CNIH3: variants seen among roughly 807,000 people sequenced by gnomAD.
The protein encoded by CNIH3 is protein cornichon homolog 3.
CNIH3 carries 14 observed loss-of-function variants against 24.1 expected under a neutral mutation model. The observed-to-expected ratio is 0.58, with a 90% CI of 0.38 to 0.91. The LOEUF (loss-of-function observed/expected upper bound fraction) is 0.91. Ranked by LOEUF, CNIH3 falls within the 40% of genes least tolerant of loss-of-function variation. CNIH3 has a pLI of 0.00. For synonymous variants in CNIH3, 68 were observed against 73.8 expected (o/e 0.92, Z 0.40); for missense variants, 178 against 196.8 (o/e 0.90, Z 0.57).
At chr1:224,462,771 C>G (rs1675970863) in intron 1 of CNIH3, among the ~76,000 whole-genome samples, 1 of 151,396 alleles carries the variant, frequency 6.6e-6, no homozygotes. Flanking sequence ...TCCTGAGTAG[C>G]TGGGTCTGCA....
intron 3 of CNIH3, among the ~76,000 whole-genome samples, chr1:224,552,769 C>T (rs1679975080): frequency 6.6e-6 from 1 of 151,340 alleles, no homozygotes; most frequent in South Asian, 2.1e-4. Flanking sequence ...GGTGTACACT[C>T]CCTGTGATAT....
downstream of CNIH3, among the ~76,000 whole-genome samples, chr1:224,589,657 A>T (rs1681665936): frequency 6.6e-6 from 1 of 152,242 alleles, no homozygotes. Flanking sequence ...AAATATGCAC[A>T]CAACTCCCCA....
chr1:224,650,710 G>A (rs936033920), intron 1 of CNIH3, among the ~76,000 whole-genome samples: 3 of 152,158 alleles, frequency 2.0e-5, no homozygotes, highest in Non-Finnish European at 4.4e-5. Flanking sequence ...TTCTATGTGC[G>A]CGAGGATATA....
intron 3 of CNIH3, among the ~76,000 whole-genome samples, chr1:224,599,249 G>T (rs1204589599): frequency 6.6e-6 from 1 of 152,188 alleles, no homozygotes; most frequent in Non-Finnish European, 1.5e-5. Flanking sequence ...TTACCTATGG[G>T]TTTGTAATCA....
chr1:224,700,178 C>T (rs1422395025), intron 3 of CNIH3, among the ~76,000 whole-genome samples: 3 of 152,200 alleles, frequency 2.0e-5, no homozygotes, highest in South Asian at 2.1e-4. Context: ...TAAAACCCCA[C>T]GTCTTGTTTG....
chr1:224,643,146 C>T (rs1386590889), intron 1 of CNIH3, among the ~76,000 whole-genome samples: 14 of 152,198 alleles, frequency 9.2e-5, no homozygotes, highest in Admixed American at 8.5e-4. Context: ...GTATTCCTGT[C>T]CTCAAATGCA....
At chr1:224,634,126 T>C (rs1683964831) in intron 1 of CNIH3, among the ~76,000 whole-genome samples, 2 of 152,208 alleles carry the variant, frequency 1.3e-5, no homozygotes, top group Non-Finnish European at 2.9e-5. Flanking sequence ...CCACTTCTCA[T>C]GAAAACGTCC....
chr1:224,527,662 T>G (rs180678185), intron 2 of CNIH3, among the ~76,000 whole-genome samples: 25 of 152,254 alleles, frequency 1.6e-4, no homozygotes, highest in Admixed American at 1.5e-3. Flanking sequence ...TCATGGAAAA[T>G]TGGCTTGGAT....
chr1:224,599,031 A>G lies in CNIH3; in HGVS notation n.402+32767A>G, dbSNP rs191338246. Among the ~76,000 whole-genome samples, 264 of 152,312 alleles carry G rather than the reference A, an allele frequency of 1.7e-3. 2 individuals carry two copies. Among genetic ancestry groups the G allele is most frequent in the African/African-American group, 6.3e-3 (261 of 41,560 alleles). ...ATAATATTTATTATTAACAAGTGGG[A>G]CCATAAATCTGGACTGCAATGTATG... On this transcript the variant is annotated intron_variant and non_coding_transcript_variant, in intron 3 of 7. Coordinates refer to the CNIH3 transcript ENST00000478120.
chr1:224,610,101 CTT>C (rs1349713370), intron 3 of CNIH3, among the ~76,000 whole-genome samples: 1 of 152,092 alleles, frequency 6.6e-6, no homozygotes, highest in Non-Finnish European at 1.5e-5. Context: ...ATAAAATAGG[CTT>C]TGTGTTAGAT....
Position 224,658,608 on chromosome 1 carries a change from T to TA in CNIH3, c.82-22340dup, listed in dbSNP as rs906413354. Among the ~76,000 whole-genome samples the TA allele has an allele frequency of 1.3e-3, 198 of 147,544 alleles. 1 individual carries two copies. Among genetic ancestry groups the TA allele is most frequent in the Middle Eastern group, 6.9e-3 (2 of 290 alleles). On this transcript the variant is annotated intron_variant, in intron 1 of 5. Transcript: ENST00000272133. Reference sequence around the variant, plus strand: ...TTAGCCAGAATGATAATTCAGATATTAAAAAAAAAACACCAAATCCCGACC... The same window carrying TA: ...TTAGCCAGAATGATAATTCAGATATTAAAAAAAAAAACACCAAATCCCGACC...
At chr1:224,575,225 C>A in intron 4 of CNIH3, 1 of 1,341,998 alleles carries the variant, frequency 7.5e-7, no homozygotes, top group Non-Finnish European at 1.1e-6. Flanking sequence ...TGGTGATCCC[C>A]AAGTCTGTGA....
intron 1 of CNIH3, among the ~76,000 whole-genome samples, chr1:224,634,647 A>G (rs1683998268): frequency 6.6e-6 from 1 of 151,958 alleles, no homozygotes; most frequent in African/African-American, 2.4e-5. Flanking sequence ...CAAATTCTAG[A>G]GGATAAATGG....
chr1:224,471,232 G>A (rs1676356284), intron 1 of CNIH3, among the ~76,000 whole-genome samples: 1 of 152,156 alleles, frequency 6.6e-6, no homozygotes, highest in Admixed American at 6.5e-5. Context: ...TAGAGACAGG[G>A]TCAGGAGTTC....
In CNIH3 at chr1:224,557,975, G is replaced by A. The variant is rs547543438; in HGVS notation, n.451-8224G>A. On this transcript the variant is annotated intron_variant and non_coding_transcript_variant, in intron 3 of 5. Coordinates refer to the CNIH3 transcript ENST00000471578. ...CTTAGAAGAGTTAATTGACTTGTTC[G>A]TGGTCTCACCACTAAGAGGAAGAGC... is the stretch of plus-strand genomic sequence containing the variant. Among the ~76,000 whole-genome samples, 11 of 152,270 alleles carry A rather than the reference G, an allele frequency of 7.2e-5. No individual in the cohort carries two copies. In the East Asian group the frequency reaches 1.2e-3, roughly 16 times the overall value.
At chr1:224,632,747 C>T (rs542816045) in intron 1 of CNIH3, among the ~76,000 whole-genome samples, 1 of 152,156 alleles carries the variant, frequency 6.6e-6, no homozygotes, top group East Asian at 1.9e-4. Flanking sequence ...ATTTTTCTTA[C>T]AGGTTCCGGA....
intron 1 of CNIH3, among the ~76,000 whole-genome samples, chr1:224,475,273 A>G (rs1278481496): frequency 2.8e-5 from 4 of 140,772 alleles, no homozygotes; most frequent in Admixed American, 7.1e-5. Flanking sequence ...GGAGAAGGGC[A>G]TGAACCCAGG....
chr1:224,539,423 AG>A (rs1679425463), downstream of CNIH3, among the ~76,000 whole-genome samples: 1 of 152,218 alleles, frequency 6.6e-6, no homozygotes, highest in Non-Finnish European at 1.5e-5. Context: ...TTATTTCAGT[AG>A]CTTCATGACA....
chr1:224,539,873 G>A (rs1005520502), downstream of CNIH3, among the ~76,000 whole-genome samples: 1 of 152,146 alleles, frequency 6.6e-6, no homozygotes, highest in African/African-American at 2.4e-5. Flanking sequence ...CTTCTGAGAA[G>A]TACTATATGC....
Sources: gnomAD v4.1 joint callset for allele counts (sites outside exome capture counted in the v4.1 genomes callset) on GRCh38, gnomAD v4.1.1 for gene constraint, MANE v1.5 for transcripts, NCBI Gene and HGNC (gene_info 2026-07-23, HGNC 2026-07-21) for gene names.